FGF14: variants seen among roughly 807,000 people sequenced by gnomAD.
The protein encoded by FGF14 is fibroblast growth factor homologous factor 4.
FGF14 carries 5 observed loss-of-function variants against 25.5 expected under a neutral mutation model. The ratio of observed to expected loss-of-function variants is 0.20; its 90% CI spans 0.10 to 0.41. The LOEUF is 0.41. Ranked by LOEUF, FGF14 falls within the 10% of genes least tolerant of loss-of-function variation. The pLI is 1.00. For synonymous variants in FGF14, 138 were observed against 118.3 expected (o/e 1.17, Z -1.08); for missense variants, 222 against 320.1 (o/e 0.69, Z 2.34).
chr13:102,386,788 A>G (rs1157761351), intron 1 of FGF14, among the ~76,000 whole-genome samples: 1 of 152,204 alleles, frequency 6.6e-6, no homozygotes. Context: ...AAGGGTGTAC[A>G]TTTTACTTTT....
At chr13:101,944,352 T>C (rs1195819014) in intron 1 of FGF14, among the ~76,000 whole-genome samples, 1 of 152,152 alleles carries the variant, frequency 6.6e-6, no homozygotes, top group African/African-American at 2.4e-5. Flanking sequence ...AGTATTTACA[T>C]ATTATTTTTT....
At chr13:101,750,734 A>G (rs1237128212) in intron 3 of FGF14, among the ~76,000 whole-genome samples, 1 of 152,160 alleles carries the variant, frequency 6.6e-6, no homozygotes, top group African/African-American at 2.4e-5. Context: ...CCACACAAAA[A>G]CTTGGTGTAA....
chr13:102,224,981 A>C (rs1214093310), intron 1 of FGF14, among the ~76,000 whole-genome samples: 1 of 151,966 alleles, frequency 6.6e-6, no homozygotes, highest in Non-Finnish European at 1.5e-5. Flanking sequence ...CCAAGCCCCC[A>C]ATTCCCAGCA....
chr13:102,222,032 C>T (rs779023159), intron 1 of FGF14, among the ~76,000 whole-genome samples: 1 of 152,112 alleles, frequency 6.6e-6, no homozygotes, highest in Non-Finnish European at 1.5e-5. Flanking sequence ...TTCTCAAAAA[C>T]TGGTACTATT....
intron 1 of FGF14, among the ~76,000 whole-genome samples, chr13:101,953,514 A>G (rs1440356598): frequency 6.6e-6 from 1 of 151,608 alleles, no homozygotes; most frequent in South Asian, 2.1e-4. Flanking sequence ...ACTGCTTGAA[A>G]TGTTACTTGG....
intron 1 of FGF14, among the ~76,000 whole-genome samples, chr13:101,994,445 T>C (rs949723248): frequency 6.6e-6 from 1 of 152,062 alleles, no homozygotes; most frequent in Non-Finnish European, 1.5e-5. Flanking sequence ...TTATTGCCAA[T>C]GATCTTGATA....
chr13:102,184,330 A>T (rs374711813), intron 1 of FGF14, among the ~76,000 whole-genome samples: 1 of 152,144 alleles, frequency 6.6e-6, no homozygotes, highest in East Asian at 1.9e-4. Flanking sequence ...CAGTAAAAAG[A>T]AGGAGGAGGA....
chr13:102,386,003 C>T (rs1417478604), intron 1 of FGF14, among the ~76,000 whole-genome samples: 1 of 152,060 alleles, frequency 6.6e-6, no homozygotes, highest in Non-Finnish European at 1.5e-5. Flanking sequence ...CACTTTTACA[C>T]AATTTTTGAA....
intron 1 of FGF14, among the ~76,000 whole-genome samples, chr13:101,969,626 G>C (rs973440813): frequency 6.6e-6 from 1 of 152,152 alleles, no homozygotes; most frequent in African/African-American, 2.4e-5. Flanking sequence ...CCACATGACT[G>C]CTTGTAAGAC....
chr13:101,796,189 T>TA, intron 3 of FGF14, among the ~76,000 whole-genome samples: 1 of 152,134 alleles, frequency 6.6e-6, no homozygotes, highest in Non-Finnish European at 1.5e-5. Flanking sequence ...TTTTAAGTTA[T>TA]ATGAACATGA....
intron 3 of FGF14, among the ~76,000 whole-genome samples, chr13:101,831,270 A>G (rs971347628): frequency 2.0e-5 from 3 of 151,158 alleles, no homozygotes; most frequent in Admixed American, 1.3e-4. Context: ...TTATTTATTT[A>G]TTTATTTATT....
intron 1 of FGF14, among the ~76,000 whole-genome samples, chr13:102,106,764 G>A (rs1246696448): frequency 1.3e-5 from 2 of 152,178 alleles, no homozygotes; most frequent in African/African-American, 2.4e-5. Flanking sequence ...TTTCTAAGAA[G>A]GCTGGTTAAG....
intron 1 of FGF14, among the ~76,000 whole-genome samples, chr13:101,931,716 G>A (rs118095672): frequency 2.4e-3 from 366 of 152,282 alleles, no homozygotes; most frequent in Non-Finnish European, 3.9e-3. Flanking sequence ...TGATGCCCAC[G>A]TGAAAGCCTC....
Position 101,851,429 on chromosome 13 carries a change from A to G in FGF14, c.408+17296T>C, listed in dbSNP as rs561255427. On this transcript the variant is annotated intron_variant, in intron 3 of 4. Transcript: ENST00000376143. ...CTGACCTTGACAACTGAGATGATCCATTTCTGTTGGTTACGCCACCAGGTT... is the reference window on the plus strand; with the variant it reads ...CTGACCTTGACAACTGAGATGATCCGTTTCTGTTGGTTACGCCACCAGGTT... Among the ~76,000 whole-genome samples the G allele has an allele frequency of 2.2e-3, 342 of 152,018 alleles. 3 individuals carry two copies. Among genetic ancestry groups the G allele is most frequent in the Non-Finnish European group, 2.5e-3 (167 of 67,966 alleles).
At chr13:102,157,453 A>G (rs917885953) in intron 1 of FGF14, among the ~76,000 whole-genome samples, 18 of 152,246 alleles carry the variant, frequency 1.2e-4, no homozygotes, top group Admixed American at 3.3e-4. Context: ...CTGGCTAGCC[A>G]TATGTAGAAA....
intron 1 of FGF14, among the ~76,000 whole-genome samples, chr13:102,007,840 G>A (rs112669027): frequency 0.018 from 2,719 of 152,314 alleles, 96 homozygotes; most frequent in African/African-American, 0.062. Context: ...AAGCTATAAT[G>A]AGTTTCTTCA....
At chr13:102,384,923 A>G (rs1404632888) in intron 1 of FGF14, among the ~76,000 whole-genome samples, 1 of 152,216 alleles carries the variant, frequency 6.6e-6, no homozygotes, top group African/African-American at 2.4e-5. Flanking sequence ...CAGCACCTAC[A>G]CCAGAGATTT....
intron 3 of FGF14, among the ~76,000 whole-genome samples, chr13:101,810,940 C>G (rs2140179548): frequency 1.3e-5 from 2 of 152,146 alleles, no homozygotes; most frequent in Non-Finnish European, 2.9e-5. Context: ...AAAACACACA[C>G]TTAATTTTTA....
chr13:102,061,029 G>C (rs1370071657), intron 1 of FGF14, among the ~76,000 whole-genome samples: 2 of 152,158 alleles, frequency 1.3e-5, no homozygotes, highest in African/African-American at 4.8e-5. Context: ...AGGAGAGCCC[G>C]GCAGCTGAGC....
Sources: gnomAD v4.1 joint callset for allele counts (sites outside exome capture counted in the v4.1 genomes callset) on GRCh38, gnomAD v4.1.1 for gene constraint, MANE v1.5 for transcripts, NCBI Gene and HGNC (gene_info 2026-07-23, HGNC 2026-07-21) for gene names.